TGFA: variants seen among roughly 807,000 people sequenced by gnomAD.
The protein encoded by TGFA is protransforming growth factor alpha.
Under a neutral mutation model 21.7 loss-of-function variants are expected in TGFA, and 12 were observed. The ratio of observed to expected loss-of-function variants is 0.55; its 90% CI spans 0.35 to 0.90. The LOEUF is 0.90. Among genes scored for constraint, TGFA ranks in the 40% least tolerant of loss-of-function variants. TGFA has a pLI of 0.01. For synonymous variants in TGFA, 79 were observed against 88.1 expected (o/e 0.90, Z 0.58); for missense variants, 178 against 210.8 (o/e 0.84, Z 0.96).
chr2:70,479,353 T>A (rs1671037204), intron 2 of TGFA, among the ~76,000 whole-genome samples: 1 of 152,242 alleles, frequency 6.6e-6, no homozygotes, highest in African/African-American at 2.4e-5. Context: ...TTGGACCCCA[T>A]AGGCCTCCCA....
chr2:70,496,902 G>C (rs1671592684), intron 2 of TGFA, among the ~76,000 whole-genome samples: 1 of 152,120 alleles, frequency 6.6e-6, no homozygotes, highest in Non-Finnish European at 1.5e-5. Context: ...GACAGCACTG[G>C]GTGCTACTAA....
intron 1 of TGFA, among the ~76,000 whole-genome samples, chr2:70,552,993 C>T (rs1375413574): frequency 1.3e-5 from 2 of 152,246 alleles, no homozygotes; most frequent in Admixed American, 1.3e-4. Context: ...GCTCCGCAGA[C>T]CCGACCCGGG....
In TGFA at chr2:70,502,415, C is replaced by T. The variant is rs550567373; in HGVS notation, c.94+12444G>A. On this transcript the variant is annotated intron_variant, in intron 2 of 5. Transcript: ENST00000295400. The stretch of plus-strand genomic sequence containing the variant: ...AGTGCAATGGCATGATCTAGGCTCA[C>T]TGCAACCTTCGCTTCCCGGGTTCAA... Among the ~76,000 whole-genome samples the T allele has an allele frequency of 4.6e-5, 7 of 152,348 alleles. No homozygotes were observed. In the South Asian group the frequency reaches 1.4e-3, roughly 32 times the overall value.
intron 3 of TGFA, among the ~76,000 whole-genome samples, chr2:70,458,159 G>A (rs1670296648): frequency 1.3e-5 from 2 of 152,112 alleles, no homozygotes; most frequent in Non-Finnish European, 2.9e-5. Flanking sequence ...TAAAGGCAAA[G>A]GTCAAGAAAC....
rs1276821914 is a variant in TGFA, at chr2:70,450,944, C to T, written c.476-78G>A. Reference sequence around the variant, plus strand: ...TGGGAAAATAAGCTTAGGAAAGAGACTTGGAGATGGCAGAGCCAATGTCAC... The same window carrying T: ...TGGGAAAATAAGCTTAGGAAAGAGATTTGGAGATGGCAGAGCCAATGTCAC... On this transcript the variant is annotated intron_variant, in intron 5 of 5. Transcript: ENST00000295400. 1.6e-5 allele frequency: 25 copies of T among 1,536,190 alleles called. No homozygotes were observed. The East Asian group carries it at 3.4e-4, about 21-fold the overall frequency.
intron 2 of TGFA, among the ~76,000 whole-genome samples, chr2:70,507,946 A>G (rs141137038): frequency 2.8e-4 from 43 of 152,344 alleles, no homozygotes; most frequent in Admixed American, 9.1e-4. Flanking sequence ...GTTAGGCTAT[A>G]TATTTACCAA....
chr2:70,538,129 T>A (rs1212042933), intron 1 of TGFA, among the ~76,000 whole-genome samples: 1 of 152,174 alleles, frequency 6.6e-6, no homozygotes, highest in Non-Finnish European at 1.5e-5. Flanking sequence ...GTTTACAGTA[T>A]GGTTTATGGA....
chr2:70,549,068 A>C (rs1235133604), intron 1 of TGFA, among the ~76,000 whole-genome samples: 3 of 152,248 alleles, frequency 2.0e-5, no homozygotes, highest in African/African-American at 7.2e-5. Context: ...AGGTGATTAA[A>C]AATATTTGAA....
chr2:70,550,467 T>G (rs1673456879), intron 1 of TGFA, among the ~76,000 whole-genome samples: 1 of 151,578 alleles, frequency 6.6e-6, no homozygotes, highest in African/African-American at 2.4e-5. Context: ...ATTAAATAAT[T>G]AAATAATTAA....
intron 1 of TGFA, among the ~76,000 whole-genome samples, chr2:70,534,391 G>T (rs1672910806): frequency 6.6e-6 from 1 of 152,190 alleles, no homozygotes; most frequent in African/African-American, 2.4e-5. Context: ...AATGTTGGTG[G>T]GGAGGTGTAG....
chr2:70,518,010 T>C (rs979715755), intron 1 of TGFA, among the ~76,000 whole-genome samples: 1 of 152,216 alleles, frequency 6.6e-6, no homozygotes, highest in African/African-American at 2.4e-5. Flanking sequence ...ACATGTGGCC[T>C]TGGCAGGCTC....
At chr2:70,518,100 C>A (rs147989336) in intron 1 of TGFA, among the ~76,000 whole-genome samples, 7 of 152,250 alleles carry the variant, frequency 4.6e-5, no homozygotes, top group Admixed American at 6.5e-5. Flanking sequence ...CTCAGGGAGA[C>A]ACACAGTGCA....
chr2:70,540,523 C>A (rs1411255930), intron 1 of TGFA, among the ~76,000 whole-genome samples: 1 of 152,028 alleles, frequency 6.6e-6, no homozygotes, highest in African/African-American at 2.4e-5. Flanking sequence ...CATCTTACAC[C>A]AAAATCCACA....
chr2:70,486,256 G>T (rs1671268186), intron 2 of TGFA, among the ~76,000 whole-genome samples: 1 of 152,110 alleles, frequency 6.6e-6, no homozygotes, highest in Non-Finnish European at 1.5e-5. Flanking sequence ...TTCCACAGTG[G>T]CCCTTAAGGG....
intron 1 of TGFA, chr2:70,553,460 G>A (rs1673579326): frequency 1.7e-5 from 24 of 1,407,732 alleles, no homozygotes; most frequent in African/African-American, 2.9e-5. Flanking sequence ...GTTCAAGCCC[G>A]TTCACACTCC....
At chr2:70,500,179 G>A (rs1258547586) in intron 2 of TGFA, among the ~76,000 whole-genome samples, 5 of 152,114 alleles carry the variant, frequency 3.3e-5, no homozygotes, top group South Asian at 2.1e-4. Context: ...CATATTGGAC[G>A]ATGCAGTTCT....
intron 1 of TGFA, among the ~76,000 whole-genome samples, chr2:70,516,244 G>A (rs147716972): frequency 9.8e-4 from 149 of 152,344 alleles, no homozygotes; most frequent in South Asian, 2.1e-3. Flanking sequence ...AATCAAGTTA[G>A]CACAGGAAAC....
intron 5 of TGFA, chr2:70,451,647 G>A: frequency 1.5e-6 from 1 of 650,626 alleles, no homozygotes; most frequent in Non-Finnish European, 2.7e-6. Flanking sequence ...TCAGACAAAT[G>A]CTACAGAATC....
chr2:70,462,423 G>A (rs1241034674), intron 3 of TGFA, among the ~76,000 whole-genome samples: 1 of 152,234 alleles, frequency 6.6e-6, no homozygotes, highest in Non-Finnish European at 1.5e-5. Context: ...AGTGAGCCAA[G>A]TGGCCTAGTG....
Sources: allele counts gnomAD v4.1 joint callset (sites outside exome capture counted in the v4.1 genomes callset), GRCh38; gene constraint gnomAD v4.1.1; transcripts MANE v1.5; gene names NCBI Gene and HGNC (gene_info 2026-07-23, HGNC 2026-07-21).